Variants in CD96 observed in about 807,000 individuals in gnomAD.
The protein encoded by CD96 is CD96 molecule.
In CD96, 70 loss-of-function variants were observed where a neutral mutation model predicts 71.3. That is an observed-to-expected ratio of 0.98 (90% CI 0.81 to 1.20). The LOEUF (loss-of-function observed/expected upper bound fraction) is 1.20, where lower values mean the gene tolerates loss of function less well. Among genes scored for constraint, CD96 ranks in the 50% most tolerant of loss-of-function variants. CD96 has a pLI of 0.00. For synonymous variants in CD96, 248 were observed against 233.0 expected, an observed-to-expected ratio of 1.06 and a Z score of -0.59; for missense variants, 742 against 677.5, an observed-to-expected ratio of 1.10 and a Z score of -1.06.
At chr3:111,643,162 G>T (rs558483346) in intron 12 of CD96, among the ~76,000 whole-genome samples, 1 of 149,258 alleles carries the variant, frequency 6.7e-6, no homozygotes, top group East Asian at 1.9e-4. Context: ...TACCAGGGAT[G>T]CAGGGATGGT....
At chr3:111,644,142 G>A (rs1251636883) in intron 12 of CD96, among the ~76,000 whole-genome samples, 1 of 151,988 alleles carries the variant, frequency 6.6e-6, no homozygotes, top group African/African-American at 2.4e-5. Context: ...TACGCACATA[G>A]ACCAATGGAA....
intron 2 of CD96, among the ~76,000 whole-genome samples, chr3:111,552,531 C>A (rs752601715): frequency 3.3e-4 from 50 of 152,100 alleles, no homozygotes; most frequent in Non-Finnish European, 6.6e-4. Flanking sequence ...TGAAATAGTC[C>A]AAATACTAAA....
At chr3:111,637,313 T>A (rs1342877193) in intron 11 of CD96, 52 bp downstream of exon 11, 1 of 970,736 alleles carries the variant, frequency 1.0e-6, no homozygotes, top group Non-Finnish European at 1.7e-6. Flanking sequence ...TCAGCTTTAT[T>A]TGGACACAGG....
At chr3:111,633,093 G>GA (rs1462650861) in intron 10 of CD96, among the ~76,000 whole-genome samples, 1 of 152,114 alleles carries the variant, frequency 6.6e-6, no homozygotes, top group African/African-American at 2.4e-5. Flanking sequence ...TTTAAAGTGA[G>GA]AAAAGTGCTT....
chr3:111,664,318 T>C (rs1940429828), intron 14 of CD96, among the ~76,000 whole-genome samples: 1 of 152,178 alleles, frequency 6.6e-6, no homozygotes, highest in Non-Finnish European at 1.5e-5. Context: ...TGTGGAATAC[T>C]ATGCAGCCAT....
chr3:111,556,646 A>G (rs59413000), intron 2 of CD96, among the ~76,000 whole-genome samples: 7,232 of 124,812 alleles, frequency 0.058, 170 homozygotes, highest in Non-Finnish European at 0.078. Context: ...GCTATTGTGA[A>G]TAATGCCGCA....
At chr3:111,606,633 T>A in intron 7 of CD96, 67 bp from the exon 8 acceptor site, 2 of 842,838 alleles carry the variant, frequency 2.4e-6, no homozygotes, top group Non-Finnish European at 4.1e-6. Flanking sequence ...ATTTAAGAAC[T>A]AAGTCAATAC....
intron 10 of CD96, among the ~76,000 whole-genome samples, chr3:111,627,287 A>G (rs1559765320): frequency 6.6e-6 from 1 of 151,906 alleles, no homozygotes. Context: ...GGTTGTTTGG[A>G]TGACTCAGCC....
intron 10 of CD96, among the ~76,000 whole-genome samples, chr3:111,632,992 G>A (rs1939149002): frequency 6.6e-6 from 1 of 152,126 alleles, no homozygotes. Context: ...TCACAACTTG[G>A]CTAACAATTT....
At chr3:111,583,037 T>C (rs1936539960) in intron 4 of CD96, among the ~76,000 whole-genome samples, 1 of 152,244 alleles carries the variant, frequency 6.6e-6, no homozygotes. Context: ...GGCAAGTCCC[T>C]TCTGCCTATG....
chr3:111,596,095 G>A (rs1191827595), intron 5 of CD96, among the ~76,000 whole-genome samples: 3 of 151,980 alleles, frequency 2.0e-5, no homozygotes, highest in Admixed American at 2.0e-4. Flanking sequence ...CCGGGAGGTG[G>A]AGGTTGCAGT....
intron 3 of CD96, among the ~76,000 whole-genome samples, chr3:111,570,387 G>A (rs546353662): frequency 6.2e-4 from 94 of 152,274 alleles, no homozygotes; most frequent in African/African-American, 2.1e-3. Flanking sequence ...TGGGATCAAA[G>A]GTTGTGCAGA....
intron 3 of CD96, among the ~76,000 whole-genome samples, chr3:111,574,708 C>T (rs1447410336): frequency 6.6e-6 from 1 of 151,734 alleles, no homozygotes; most frequent in African/African-American, 2.4e-5. Flanking sequence ...TTTGTGTGTA[C>T]ATGTTTGTTC....
intron 12 of CD96, among the ~76,000 whole-genome samples, chr3:111,641,525 G>A (rs1402434910): frequency 6.6e-6 from 1 of 152,070 alleles, no homozygotes; most frequent in Non-Finnish European, 1.5e-5. Context: ...TAAGAAATGA[G>A]ATAGACAGCA....
At chr3:111,640,513 T>C (rs1048980276) in intron 12 of CD96, among the ~76,000 whole-genome samples, 1 of 152,186 alleles carries the variant, frequency 6.6e-6, no homozygotes, top group African/African-American at 2.4e-5. Flanking sequence ...AACTTATGAA[T>C]AATTGGTGTA....
intron 4 of CD96, 142 bp downstream of exon 4, chr3:111,579,376 A>G (rs1481440006): frequency 1.4e-6 from 1 of 720,480 alleles, no homozygotes; most frequent in Non-Finnish European, 2.6e-6. Flanking sequence ...GATACTTGTC[A>G]TTCTTGTTGG....
downstream of CD96, among the ~76,000 whole-genome samples, chr3:111,652,608 T>C (rs985184706): frequency 5.3e-5 from 8 of 152,164 alleles, no homozygotes; most frequent in African/African-American, 1.9e-4. Flanking sequence ...TACACTCTTT[T>C]AGTATCGTAA....
At chr3:111,605,235 G>A (rs1937590847) in intron 7 of CD96, among the ~76,000 whole-genome samples, 1 of 152,210 alleles carries the variant, frequency 6.6e-6, no homozygotes, top group Non-Finnish European at 1.5e-5. Flanking sequence ...ATTTGCTAGG[G>A]TAAACACTGA....
At position 111,662,339 on chromosome 3, in the gene CD96, C is replaced by T. The variant is rs529788974; in HGVS notation, c.*53-3188C>T. On this transcript the variant is annotated intron_variant and NMD_transcript_variant, in intron 14 of 14. Coordinates refer to the CD96 transcript ENST00000494798. ...TCTGAAATGCCTTGGAGGCATTTTC[C>T]CCATTGTCTTGGCTATTAACATTCA... 1.0e-3 allele frequency among the ~76,000 whole-genome samples: 155 copies of T among 152,312 alleles called. 1 individual carries two copies. Among genetic ancestry groups the T allele is most frequent in the African/African-American group, 3.6e-3 (148 of 41,578 alleles).
Sources: allele counts gnomAD v4.1 joint callset (sites outside exome capture counted in the v4.1 genomes callset), GRCh38; gene constraint gnomAD v4.1.1; transcripts MANE v1.5; gene names NCBI Gene and HGNC (gene_info 2026-07-23, HGNC 2026-07-21).